Variants in KIRREL3 observed in about 807,000 individuals in gnomAD.
KIRREL3 encodes the protein kin of IRRE-like protein 3.
Under a neutral mutation model 89.7 loss-of-function variants are expected in KIRREL3, and 36 were observed. The ratio of observed to expected loss-of-function variants is 0.40; its 90% CI spans 0.31 to 0.53. The LOEUF (loss-of-function observed/expected upper bound fraction) is 0.53. KIRREL3 is among the 20% of genes least tolerant of loss of function. KIRREL3 has a pLI of 0.49. For missense variants in KIRREL3, 864 were observed against 1,056.6 expected, an observed-to-expected ratio of 0.82 and a Z score of 2.53; for synonymous variants, 445 against 441.4, an observed-to-expected ratio of 1.01 and a Z score of -0.10.
rs1951372950 is a variant in KIRREL3 at position 126,811,138 on chromosome 11, C to A, written c.55+189317G>T. Among the ~76,000 whole-genome samples, 1 of 152,216 alleles carries A rather than the reference C, an allele frequency of 6.6e-6. No individual in the cohort carries two copies. Among genetic ancestry groups the A allele is most frequent in the Non-Finnish European group, 1.5e-5 (1 of 68,050 alleles). On this transcript the variant is annotated intron_variant, in intron 1 of 16. Coordinates refer to ENST00000525144, the MANE Select transcript of KIRREL3 (RefSeq NM_032531.4). This position sits in a 1 kb window ranked among gnomAD's most constrained non-coding sequence, Gnocchi z 4.3. ...ATCCCCTTCTAAGCTCCCGCAGCAG[C>A]CAGGCTCTTAAGCAGCCAGCTAGCA...
At chr11:126,726,869 G>C (rs544036358) in intron 1 of KIRREL3, among the ~76,000 whole-genome samples, 11 of 152,216 alleles carry the variant, frequency 7.2e-5, no homozygotes, top group African/African-American at 2.6e-4. Context: ...CTTTCTTCCT[G>C]CAAAACTCCT....
rs1306069252 is a variant in KIRREL3 at position 126,953,955 on chromosome 11, G to T, written c.55+46500C>A. 6.6e-6 allele frequency among the ~76,000 whole-genome samples: 1 copy of T among 152,070 alleles called. No individual in the cohort carries two copies. The highest frequency in any genetic ancestry group is 2.4e-5 in the African/African-American group (1 of 41,404). The stretch of plus-strand genomic sequence containing the variant: ...CTTTGCTGAGGCTAGATTTCACAGG[G>T]CAATCTGCTGAGTGACACAACGACA... On this transcript the variant is annotated intron_variant, in intron 1 of 16. Transcript: ENST00000525144. This position sits in a 1 kb window ranked among gnomAD's most constrained non-coding sequence, Gnocchi z 5.2.
intron 1 of KIRREL3, among the ~76,000 whole-genome samples, chr11:126,988,933 C>T (rs1027985390): frequency 2.6e-5 from 4 of 152,118 alleles, no homozygotes; most frequent in African/African-American, 7.2e-5. Flanking sequence ...CCACTCTCCT[C>T]CCTCCTCAGT....
intron 1 of KIRREL3, among the ~76,000 whole-genome samples, chr11:126,586,683 T>C (rs1017828103): frequency 1.3e-5 from 2 of 152,084 alleles, no homozygotes; most frequent in Non-Finnish European, 1.5e-5. Context: ...TCAAGCCTCA[T>C]CACTTTCTCT....
rs915529813 is a variant in KIRREL3, at chr11:126,814,584, A to C, written c.55+185871T>G. Among the ~76,000 whole-genome samples, 4 of 152,256 alleles carry C rather than the reference A, an allele frequency of 2.6e-5. No individual in the cohort carries two copies. Among genetic ancestry groups the C allele is most frequent in the Non-Finnish European group, 5.9e-5 (4 of 68,046 alleles). On this transcript the variant is annotated intron_variant, in intron 1 of 16. Coordinates refer to ENST00000525144, the MANE Select transcript of KIRREL3 (RefSeq NM_032531.4). The surrounding 1 kb of genome is among the most constrained non-coding windows in gnomAD (Gnocchi z 4.4). ...ACATATACACCATGGAATACTATGC[A>C]GCCATAAAAAGGAATGAGATCATGT...
chr11:126,810,336 T>C (rs1951339006), intron 1 of KIRREL3, among the ~76,000 whole-genome samples: 1 of 152,212 alleles, frequency 6.6e-6, no homozygotes, highest in Non-Finnish European at 1.5e-5. Context: ...CCCTGTTATG[T>C]TGTCAAAACT....
At position 126,797,105 on chromosome 11, in the gene KIRREL3, C is replaced by T. The variant is rs1291633513; in HGVS notation, c.55+203350G>A. On this transcript the variant is annotated intron_variant, in intron 1 of 16. Transcript: ENST00000525144. This position sits in a 1 kb window ranked among gnomAD's most constrained non-coding sequence, Gnocchi z 4.9. Reference sequence around the variant, plus strand: ...GAAGCCTCATTCAGATCCCCCAGAGCCCACATTCGGGGCCACCTGGAGTTA... The same window carrying T: ...GAAGCCTCATTCAGATCCCCCAGAGTCCACATTCGGGGCCACCTGGAGTTA... 6.6e-6 allele frequency among the ~76,000 whole-genome samples: 1 copy of T among 152,150 alleles called. No individual in the cohort carries two copies. Among genetic ancestry groups the T allele is most frequent in the East Asian group, 1.9e-4 (1 of 5,192 alleles).
At chr11:126,536,265 C>G (rs1591697424) in intron 2 of KIRREL3, among the ~76,000 whole-genome samples, 2 of 150,242 alleles carry the variant, frequency 1.3e-5, no homozygotes, top group Non-Finnish European at 3.0e-5. Context: ...GTGTGTGTGT[C>G]TGTGTGTGTG....
rs1163364225 is a variant in KIRREL3, at chr11:126,883,075, T to C, written c.55+117380A>G. The stretch of plus-strand genomic sequence containing the variant: ...TCATTGTAGTAAAAAGTAATACATC[T>C]CCTCGTTTAAGTGACAGCAGGTAGG... On this transcript the variant is annotated intron_variant, in intron 1 of 16. Transcript: ENST00000525144. The surrounding 1 kb of genome is among the most constrained non-coding windows in gnomAD (Gnocchi z 4.1). Among the ~76,000 whole-genome samples, 1 of 152,174 alleles carries C rather than the reference T, an allele frequency of 6.6e-6. No homozygotes were observed. The highest frequency in any genetic ancestry group is 1.5e-5 in the Non-Finnish European group (1 of 68,030).
rs1255853332 is a variant in KIRREL3 at position 126,640,087 on chromosome 11, C to T, written c.56-77175G>A. Among the ~76,000 whole-genome samples, 1 of 152,118 alleles carries T rather than the reference C, an allele frequency of 6.6e-6. No homozygotes were observed. The highest frequency in any genetic ancestry group is 6.5e-5 in the Admixed American group (1 of 15,276). ...GTGCCCAGAGAAGACAATTAATCTC[C>T]CACCTTCCCAAGCCAGTACTGTTTT... On this transcript the variant is annotated intron_variant, in intron 1 of 16. Transcript: ENST00000525144. This position sits in a 1 kb window ranked among gnomAD's most constrained non-coding sequence, Gnocchi z 4.9.
rs534453234 is a variant in KIRREL3, at chr11:126,687,719, A to G, written c.56-124807T>C. The stretch of plus-strand genomic sequence containing the variant: ...GCATTGTTTTGGATGCTGGGGATAC[A>G]AAGATAAGTGCTCTGAGGCCCCTAT... On this transcript the variant is annotated intron_variant, in intron 1 of 16. Coordinates refer to ENST00000525144, the MANE Select transcript of KIRREL3 (RefSeq NM_032531.4). This position sits in a 1 kb window ranked among gnomAD's most constrained non-coding sequence, Gnocchi z 4.6. 1.3e-5 allele frequency among the ~76,000 whole-genome samples: 2 copies of G among 152,340 alleles called. No homozygotes were observed. Among genetic ancestry groups the G allele is most frequent in the South Asian group, 4.1e-4 (2 of 4,824 alleles).
chr11:126,770,423 G>A (rs912506893), intron 1 of KIRREL3, among the ~76,000 whole-genome samples: 1 of 152,220 alleles, frequency 6.6e-6, no homozygotes, highest in Non-Finnish European at 1.5e-5. Flanking sequence ...AGTGGGTTGA[G>A]AGAGCTCAGA....
Position 126,566,610 on chromosome 11 carries a change from G to A in KIRREL3, c.56-3698C>T, listed in dbSNP as rs960323203. Reference sequence around the variant, plus strand: ...GAATGAAACTTGTAGCTCATTGGAAGAGAAGCCTAGATAACATAGTGGGAT... The same window carrying A: ...GAATGAAACTTGTAGCTCATTGGAAAAGAAGCCTAGATAACATAGTGGGAT... On this transcript the variant is annotated intron_variant, in intron 1 of 16. Transcript: ENST00000525144. The surrounding 1 kb of genome is among the most constrained non-coding windows in gnomAD (Gnocchi z 4.9). Among the ~76,000 whole-genome samples the A allele has an allele frequency of 1.3e-5, 2 of 152,230 alleles. No individual in the cohort carries two copies. Among genetic ancestry groups the A allele is most frequent in the Non-Finnish European group, 2.9e-5 (2 of 68,042 alleles).
In KIRREL3 at chr11:126,689,017, A is replaced by ATG. The variant is rs1030518093; in HGVS notation, c.56-126107_56-126106dup. On this transcript the variant is annotated intron_variant, in intron 1 of 16. Coordinates refer to ENST00000525144, the MANE Select transcript of KIRREL3 (RefSeq NM_032531.4). The surrounding 1 kb of genome is among the most constrained non-coding windows in gnomAD (Gnocchi z 5.2). ...GACCATAGAGCAGCTATGTAGAACTATGTGTGTGTGTGTAAGGGGGAGAGA... is the reference window on the plus strand; with the variant it reads ...GACCATAGAGCAGCTATGTAGAACTATGTGTGTGTGTGTGTAAGGGGGAGAGA... Among the ~76,000 whole-genome samples, 16 of 147,236 alleles carry ATG rather than the reference A, an allele frequency of 1.1e-4. No individual in the cohort carries two copies. Among genetic ancestry groups the ATG allele is most frequent in the Middle Eastern group, 3.4e-3 (1 of 290 alleles).
chr11:126,546,833 C>A (rs1400927035), intron 2 of KIRREL3, among the ~76,000 whole-genome samples: 1 of 152,124 alleles, frequency 6.6e-6, no homozygotes, highest in Non-Finnish European at 1.5e-5. Context: ...TTTCTCCTTA[C>A]AACAAATGCG....
intron 1 of KIRREL3, among the ~76,000 whole-genome samples, chr11:126,986,289 T>C (rs1346247220): frequency 6.6e-6 from 1 of 152,080 alleles, no homozygotes; most frequent in Non-Finnish European, 1.5e-5. Flanking sequence ...AAAATGACAA[T>C]AAGCAGCTAG....
chr11:126,535,840 C>T lies in KIRREL3; in HGVS notation c.134-9153G>A, dbSNP rs486690. On this transcript the variant is annotated intron_variant, in intron 2 of 16. Transcript: ENST00000525144. The surrounding 1 kb of genome is among the most constrained non-coding windows in gnomAD (Gnocchi z 4.5). The stretch of plus-strand genomic sequence containing the variant: ...TCTCTACTAAAAATACAAAAATTAG[C>T]GGGACATGGTGGTGCGTGCCTGTAA... Among the ~76,000 whole-genome samples the T allele has an allele frequency of 6.4e-3, 968 of 152,200 alleles. 3 individuals carry two copies. Among genetic ancestry groups the T allele is most frequent in the Middle Eastern group, 0.017 (5 of 294 alleles).
chr11:126,492,763 A>G lies in KIRREL3; in HGVS notation c.434-19297T>C, dbSNP rs896809254. On this transcript the variant is annotated intron_variant, in intron 4 of 16. Coordinates refer to ENST00000525144, the MANE Select transcript of KIRREL3 (RefSeq NM_032531.4). The surrounding 1 kb of genome is among the most constrained non-coding windows in gnomAD (Gnocchi z 4.8). ...GAGGGGGCTCTGAGCTGGACCGTGC[A>G]GGGAGGACTGGCTTCTTACCTGCCC... Among the ~76,000 whole-genome samples, 1 of 152,162 alleles carries G rather than the reference A, an allele frequency of 6.6e-6. No individual in the cohort carries two copies. Among genetic ancestry groups the G allele is most frequent in the African/African-American group, 2.4e-5 (1 of 41,444 alleles).
chr11:126,703,728 C>T lies in KIRREL3; in HGVS notation c.56-140816G>A, dbSNP rs569594809. ...AGCCTGGGCCCTCTGACTGCCTGGG[C>T]CAGTGTTTCCGTGCCAGAAACCCTG... On this transcript the variant is annotated intron_variant, in intron 1 of 16. Transcript: ENST00000525144. The surrounding 1 kb of genome is among the most constrained non-coding windows in gnomAD (Gnocchi z 4.6). 2.8e-4 allele frequency among the ~76,000 whole-genome samples: 42 copies of T among 152,286 alleles called. No individual in the cohort carries two copies. The highest frequency in any genetic ancestry group is 4.4e-4 in the Non-Finnish European group (30 of 68,022).
Sources: gnomAD v4.1 joint callset for allele counts (sites outside exome capture counted in the v4.1 genomes callset) on GRCh38, gnomAD v4.1.1 for gene constraint, Gnocchi (gnomAD v3.1) non-coding constraint, MANE v1.5 for transcripts, NCBI Gene and HGNC (gene_info 2026-07-23, HGNC 2026-07-21) for gene names.